The following HMCN1 variants were observed in gnomAD, a reference collection of about 807,000 sequenced individuals.
The protein encoded by HMCN1 is hemicentin-1.
A neutral mutation model predicts 625.9 loss-of-function variants in HMCN1; 321 were observed. The ratio of observed to expected loss-of-function variants is 0.51; its 90% CI spans 0.47 to 0.56. The LOEUF is 0.56. HMCN1 is among the 20% of genes least tolerant of loss of function. The pLI, the probability that HMCN1 is intolerant of heterozygous loss-of-function variation, is 0.00. For missense variants in HMCN1, 6,588 were observed against 6,887.3 expected, an observed-to-expected ratio of 0.96 and a Z score of 1.54; for synonymous variants, 2,425 against 2,417.6, an observed-to-expected ratio of 1.00 and a Z score of -0.09.
At chr1:186,027,748 A>G (rs2102183211) in intron 36 of HMCN1, among the ~76,000 whole-genome samples, 1 of 152,258 alleles carries the variant, frequency 6.6e-6, no homozygotes, top group South Asian at 2.1e-4. Flanking sequence ...AATATCTGTA[A>G]AGTCCCTCCT....
chr1:186,165,093 C>G lies in HMCN1; in HGVS notation c.15257-18C>G. 6.2e-7 allele frequency: 1 copy of G among 1,612,868 alleles called. No homozygotes were observed. Among genetic ancestry groups the G allele is most frequent in the South Asian group, 1.1e-5 (1 of 90,970 alleles). ...TATTCCAATAAGCCAGTTAACTTTG[C>G]TTTCCTCTCTGTGGTAGGAGATCGC... is the stretch of plus-strand genomic sequence containing the variant. On this transcript the variant is annotated intron_variant, in intron 97 of 106. Coordinates refer to ENST00000271588, the MANE Select transcript of HMCN1 (RefSeq NM_031935.3).
chr1:185,927,861 A>G (rs570723486), intron 9 of HMCN1, among the ~76,000 whole-genome samples: 8 of 152,316 alleles, frequency 5.3e-5, no homozygotes, highest in Admixed American at 5.2e-4. Context: ...TTTGAAACAG[A>G]TTAAATATCT....
In HMCN1 at chr1:185,909,433, T is replaced by G. The variant is rs1261669184; in HGVS notation, c.718T>G (p.Phe240Val). 2.5e-6 allele frequency: 4 copies of G among 1,613,568 alleles called. No individual in the cohort carries two copies. Among genetic ancestry groups the G allele is most frequent in the East Asian group, 4.5e-5 (2 of 44,870 alleles). ...GGCTGTAAATACTTGGAGAATTCCT[T>G]TTGATCCCAGCCTGAAAGAGGTCAC... is the stretch of plus-strand genomic sequence containing the variant. ...EQAVNTWRIP[F>V]DPSLKEVTVS... The change falls in exon 5 of 107, where the codon TTT becomes GTT. Residue 240 changes from phenylalanine (F) to valine (V), a missense_variant. Physicochemically the swap from Phe to Val is conservative, Grantham distance 50. Around this residue, in one of 3 missense-constraint regions of HMCN1, gnomAD observed 4,628 missense variants for 4,853.1 expected, o/e 0.95. Coordinates refer to ENST00000271588, the MANE Select transcript of HMCN1 (RefSeq NM_031935.3).
At chr1:186,076,733 CAGTT>C in intron 54 of HMCN1, 111 bp downstream of exon 54, 4 of 1,034,268 alleles carry the variant, frequency 3.9e-6, no homozygotes, top group Non-Finnish European at 4.4e-6. Flanking sequence ...ATTTAACTGG[CAGTT>C]AGACTGCTGA....
chr1:185,943,558 G>C (rs145054590), intron 11 of HMCN1, among the ~76,000 whole-genome samples: 1 of 152,248 alleles, frequency 6.6e-6, no homozygotes, highest in African/African-American at 2.4e-5. Context: ...TGGAAGTCGT[G>C]CATTGTACAA....
intron 98 of HMCN1, 80 bp downstream of exon 98, chr1:186,165,253 C>T (rs1212872527): frequency 8.7e-7 from 1 of 1,147,902 alleles, no homozygotes; most frequent in Non-Finnish European, 1.3e-6. Context: ...ATCTATTGCC[C>T]TTTCACTAGG....
intron 55 of HMCN1, among the ~76,000 whole-genome samples, 158 bp downstream of exon 55, chr1:186,078,378 G>A (rs1373880432): frequency 3.3e-5 from 5 of 152,144 alleles, no homozygotes; most frequent in African/African-American, 7.2e-5. Flanking sequence ...CAAATTGACA[G>A]CACATTAGTC....
Position 185,990,436 on chromosome 1 carries a change from T to A in HMCN1, c.3370T>A (p.Ser1124Thr). 1 of 1,613,896 alleles carries A rather than the reference T, an allele frequency of 6.2e-7. No homozygotes were observed. The change falls in exon 22 of 107, where the codon TCT (serine) becomes ACT (threonine). Residue 1124 changes from serine to threonine, a missense_variant. This residue lies in a region of HMCN1 where 4,628 missense variants were observed against 4,853.1 expected (regional missense o/e 0.95). Transcript: ENST00000271588. ...AKETQLISPF[S>T]PRHTFLPSGS... is the part of the protein sequence containing the mutation. ...AGAAACCCAGCTCATCTCACCGTTC[T>A]CTCCAAGGTAGGAGATCTGGGATGA...
rs758445916 is a variant in HMCN1, at chr1:186,175,876, CA to C, written c.15943+1249del. Among the ~76,000 whole-genome samples, 130 of 76,146 alleles carry C rather than the reference CA, an allele frequency of 1.7e-3. 1 individual carries two copies. The highest frequency in any genetic ancestry group is 0.01 in the South Asian group (22 of 2,182). The allele number at this position is 76,146 out of a possible 152,430, so 50.0% of individuals were successfully genotyped here. On this transcript the variant is annotated intron_variant, in intron 103 of 106. Transcript: ENST00000271588. ...GGACAATAAGAGTGAAACTATGTCT[CA>C]AAAAAAAAAAAAAAGAAAGAAAAGA...
intron 54 of HMCN1, among the ~76,000 whole-genome samples, chr1:186,077,206 C>T (rs2102364325): frequency 6.6e-6 from 1 of 151,756 alleles, no homozygotes; most frequent in East Asian, 1.9e-4. Flanking sequence ...TAAATTTGAC[C>T]CCAATTAAAT....
chr1:185,996,944 T>G (rs762407161), intron 24 of HMCN1, among the ~76,000 whole-genome samples: 1 of 151,960 alleles, frequency 6.6e-6, no homozygotes, highest in African/African-American at 2.4e-5. Flanking sequence ...TCAGAGAGAG[T>G]ATTCTGGGAA....
intron 89 of HMCN1, among the ~76,000 whole-genome samples, chr1:186,139,389 C>A (rs1162912323): frequency 6.6e-6 from 1 of 152,144 alleles, no homozygotes; most frequent in Non-Finnish European, 1.5e-5. Flanking sequence ...GTTGTAATAA[C>A]ATTATGTTCT....
chr1:186,053,931 T>C lies in HMCN1; in HGVS notation c.6807T>C (p.Cys2269=). ...AGTCTGATGCAGCACTCTATTCATG[T>C]GTGGCGTCGAATGTTGCTGGGACTG... ...AEKSDAALYS[C]VASNVAGTAK... Residue 2269 remains cysteine, a synonymous_variant, in exon 44 of 107, where the codon TGT becomes TGC. Coordinates refer to ENST00000271588, the MANE Select transcript of HMCN1 (RefSeq NM_031935.3). 2 of 1,612,794 alleles carry C rather than the reference T, an allele frequency of 1.2e-6. No individual in the cohort carries two copies. The highest frequency in any genetic ancestry group is 1.7e-6 in the Non-Finnish European group (2 of 1,179,228).
At chr1:186,179,097 A>G (rs1652778010) in intron 104 of HMCN1, among the ~76,000 whole-genome samples, 2 of 152,214 alleles carry the variant, frequency 1.3e-5, no homozygotes, top group Non-Finnish European at 1.5e-5. Context: ...GGATGTAAAT[A>G]TTGCCACATA....
intron 75 of HMCN1, among the ~76,000 whole-genome samples, 158 bp from the exon 76 acceptor site, chr1:186,116,830 TAAACTC>T: frequency 6.6e-6 from 1 of 152,280 alleles, no homozygotes; most frequent in African/African-American, 2.4e-5. Flanking sequence ...CATACAAACA[TAAACTC>T]TAATGCATAA....
At position 186,188,019 on chromosome 1, in the gene HMCN1, G is replaced by A. The variant is rs541382331; in HGVS notation, c.16541+10G>A. The A allele has an allele frequency of 1.2e-6, 2 of 1,613,768 alleles. No homozygotes were observed. Among genetic ancestry groups the A allele is most frequent in the South Asian group, 2.2e-5 (2 of 91,086 alleles). On this transcript the variant is annotated intron_variant, in intron 106 of 106. Transcript: ENST00000271588. ...GGGATCCTGTTTCAGGGTATGTCTT[G>A]CCTTCTCATCCCAGACATGCTTTTG...
At chr1:186,189,302 C>A (rs140685013) in intron 106 of HMCN1, among the ~76,000 whole-genome samples, 1 of 152,136 alleles carries the variant, frequency 6.6e-6, no homozygotes, top group African/African-American at 2.4e-5. Context: ...CTGCAAGATA[C>A]GTATTTGACT....
rs551781298 is a variant in HMCN1 at position 185,977,158 on chromosome 1, T to G, written c.2372-629T>G. 4.6e-5 allele frequency among the ~76,000 whole-genome samples: 7 copies of G among 152,244 alleles called. No homozygotes were observed. In the South Asian group the frequency reaches 1.5e-3, roughly 32 times the overall value. On this transcript the variant is annotated intron_variant, in intron 15 of 106. Coordinates refer to ENST00000271588, the MANE Select transcript of HMCN1 (RefSeq NM_031935.3). Reference sequence around the variant, plus strand: ...CATTTCTTAATTCTGACTAAGATATTAAACTCTTCCTATTCTCTTTTTATC... The same window carrying G: ...CATTTCTTAATTCTGACTAAGATATGAAACTCTTCCTATTCTCTTTTTATC...
intron 10 of HMCN1, among the ~76,000 whole-genome samples, chr1:185,931,261 C>T (rs897375909): frequency 3.9e-5 from 6 of 152,076 alleles, no homozygotes; most frequent in African/African-American, 1.4e-4. Context: ...ATTGAGGTTT[C>T]CTTTCTGCTA....
Sources: gnomAD v4.1 joint callset for allele counts (sites outside exome capture counted in the v4.1 genomes callset) on GRCh38, gnomAD v4.1.1 for gene constraint, gnomAD v4.1.1 regional missense constraint, MANE v1.5 for transcripts, NCBI Gene and HGNC (gene_info 2026-07-23, HGNC 2026-07-21) for gene names.